Variants in KCNT1 observed in about 807,000 individuals in gnomAD.
KCNT1 encodes the protein potassium sodium-activated channel subfamily T member 1.
A neutral mutation model predicts 147.8 loss-of-function variants in KCNT1; 78 were observed. That is an observed-to-expected ratio of 0.53 (90% CI 0.44 to 0.64). The LOEUF is 0.64. Among genes scored for constraint, KCNT1 ranks in the 30% least tolerant of loss-of-function variants. The probability of loss-of-function intolerance (pLI) is 0.00; values close to 1 mark genes in which losing one functional copy is unlikely to be tolerated. For missense variants in KCNT1, 1,419 were observed against 1,750.3 expected, an observed-to-expected ratio of 0.81 and a Z score of 3.38; for synonymous variants, 867 against 748.8, an observed-to-expected ratio of 1.16 and a Z score of -2.58.
At chr9:135,721,548 T>C (rs904533204) in intron 2 of KCNT1, among the ~76,000 whole-genome samples, 2 of 152,134 alleles carry the variant, frequency 1.3e-5, no homozygotes, top group Non-Finnish European at 1.5e-5. Context: ...GTGCCGGCCA[T>C]GCGCATACCA....
rs531784409 is a variant in KCNT1, at chr9:135,777,578, C to T, written c.2522+68C>T. 7.7e-5 allele frequency: 113 copies of T among 1,469,472 alleles called. 1 individual carries two copies. The African/African-American group carries it at 1.2e-3, about 16-fold the overall frequency. The allele number at this position is 1,469,472 out of a possible 1,614,324, so 91.0% of individuals were successfully genotyped here. ...TCAGACCTGCAGCCAGCAGCCTCCC[C>T]AACTGGGCCCACCCTTCGCCTTTGC... is the stretch of plus-strand genomic sequence containing the variant. On this transcript the variant is annotated intron_variant, in intron 21 of 30. Coordinates refer to ENST00000371757, the MANE Select transcript of KCNT1 (RefSeq NM_020822.3).
intron 1 of KCNT1, among the ~76,000 whole-genome samples, chr9:135,703,842 A>G (rs568393271): frequency 3.3e-5 from 5 of 152,252 alleles, no homozygotes; most frequent in African/African-American, 1.2e-4. Flanking sequence ...CCTTCCAGAC[A>G]CCTGTCTCTC....
At chr9:135,749,975 C>T (rs1323229479) in intron 2 of KCNT1, 123 bp from the exon 3 acceptor site, 9 of 748,018 alleles carry the variant, frequency 1.2e-5, no homozygotes, top group Non-Finnish European at 2.1e-5. Context: ...CCTGCTGGGC[C>T]CTGACTTCTC....
intron 29 of KCNT1, among the ~76,000 whole-genome samples, chr9:135,787,104 A>G (rs934011372): frequency 5.3e-5 from 8 of 152,034 alleles, no homozygotes; most frequent in Non-Finnish European, 1.2e-4. Context: ...CTTTGGGGGA[A>G]CAGTTGGGGG....
At chr9:135,704,938 A>G (rs1588242316) in intron 1 of KCNT1, among the ~76,000 whole-genome samples, 1 of 152,216 alleles carries the variant, frequency 6.6e-6, no homozygotes, top group East Asian at 1.9e-4. Flanking sequence ...GAGTGGCCAC[A>G]GTAACAGCTC....
intron 1 of KCNT1, among the ~76,000 whole-genome samples, chr9:135,705,314 A>G (rs570074538): frequency 2.6e-5 from 4 of 152,212 alleles, no homozygotes; most frequent in African/African-American, 9.6e-5. Context: ...CCCACAAACA[A>G]TCCCAGGTTT....
intron 20 of KCNT1, 111 bp from the exon 21 acceptor site, chr9:135,777,227 C>T: frequency 8.4e-7 from 1 of 1,196,988 alleles, no homozygotes; most frequent in Admixed American, 2.1e-5. Context: ...GGCCGAGAGG[C>T]TAACGGCTGG....
chr9:135,779,227 C>T, intron 23 of KCNT1, 132 bp from the exon 24 acceptor site: 1 of 590,590 alleles, frequency 1.7e-6, no homozygotes, highest in African/African-American at 2.4e-5. Context: ...AGACAGTGGG[C>T]CCTGCCCTGA....
intron 4 of KCNT1, among the ~76,000 whole-genome samples, chr9:135,753,392 A>G (rs951641366): frequency 6.6e-6 from 1 of 152,172 alleles, no homozygotes; most frequent in Non-Finnish European, 1.5e-5. Flanking sequence ...TCACTGTCGC[A>G]GCAGCTGGTT....
chr9:135,726,290 G>A (rs768917714), intron 2 of KCNT1, among the ~76,000 whole-genome samples: 13 of 152,038 alleles, frequency 8.6e-5, no homozygotes, highest in Non-Finnish European at 1.5e-4. Flanking sequence ...GGAGACTCCC[G>A]GCCTGCAGGG....
At chr9:135,716,428 G>A (rs751671653) in intron 2 of KCNT1, among the ~76,000 whole-genome samples, 2 of 152,198 alleles carry the variant, frequency 1.3e-5, no homozygotes, top group Non-Finnish European at 2.9e-5. Flanking sequence ...ATTTCACAAT[G>A]AGTCCCTGAT....
chr9:135,769,914 G>C, intron 15 of KCNT1, 33 bp from the exon 16 acceptor site: 1 of 1,467,114 alleles, frequency 6.8e-7, no homozygotes, highest in Non-Finnish European at 9.3e-7. Flanking sequence ...CCGGCAGAGC[G>C]GCAGGTGGAC....
intron 11 of KCNT1, 146 bp downstream of exon 11, chr9:135,760,005 C>T (rs989605321): frequency 8.6e-6 from 6 of 698,358 alleles, no homozygotes; most frequent in East Asian, 3.0e-5. Flanking sequence ...GTGCCTGCTC[C>T]GTTGCACGCC....
At chr9:135,772,004 G>T (rs541881489) in intron 18 of KCNT1, among the ~76,000 whole-genome samples, 1 of 152,316 alleles carries the variant, frequency 6.6e-6, no homozygotes, top group East Asian at 1.9e-4. Flanking sequence ...GACCCAGAGG[G>T]CCCTGGGGTT....
intron 2 of KCNT1, among the ~76,000 whole-genome samples, chr9:135,731,991 T>TATAGAG (rs1276318460): frequency 1.6e-3 from 34 of 21,700 alleles, no homozygotes; most frequent in African/African-American, 2.3e-3. Context: ...TATATATATA[T>TATAGAG]AGAGAGAGAG....
chr9:135,785,578 C>G (rs1032003408), intron 28 of KCNT1: 32 of 626,192 alleles, frequency 5.1e-5, no homozygotes, highest in Non-Finnish European at 8.6e-5. Context: ...GTTTGGACAC[C>G]AGGTGCACCC....
At chr9:135,717,786 G>A (rs1835778868) in intron 2 of KCNT1, among the ~76,000 whole-genome samples, 1 of 152,220 alleles carries the variant, frequency 6.6e-6, no homozygotes, top group Non-Finnish European at 1.5e-5. Context: ...CAGCAGCCTG[G>A]GGGCCTCTCC....
At chr9:135,740,174 T>C (rs1830503396) in intron 2 of KCNT1, among the ~76,000 whole-genome samples, 1 of 152,132 alleles carries the variant, frequency 6.6e-6, no homozygotes, top group African/African-American at 2.4e-5. Flanking sequence ...AAAGGCCTCG[T>C]CTCCAAACAT....
At chr9:135,716,654 C>A (rs1337123670) in intron 2 of KCNT1, among the ~76,000 whole-genome samples, 1 of 152,160 alleles carries the variant, frequency 6.6e-6, no homozygotes, top group South Asian at 2.1e-4. Context: ...GCGGTCTTGG[C>A]GTGCTGTGCC....
Sources: allele counts gnomAD v4.1 joint callset (sites outside exome capture counted in the v4.1 genomes callset), GRCh38; gene constraint gnomAD v4.1.1; transcripts MANE v1.5; gene names NCBI Gene and HGNC (gene_info 2026-07-23, HGNC 2026-07-21).